Variants in RAP1A observed in about 807,000 individuals in gnomAD.
The protein encoded by RAP1A is RAP1A, member of RAS oncogene family.
RAP1A carries 6 observed loss-of-function variants against 26.4 expected under a neutral mutation model. The observed-to-expected ratio is 0.23, with a 90% CI of 0.12 to 0.45. The LOEUF (loss-of-function observed/expected upper bound fraction) is 0.45, where lower values mean the gene tolerates loss of function less well. Among genes scored for constraint, RAP1A ranks in the 20% least tolerant of loss-of-function variants. The probability of loss-of-function intolerance (pLI) is 0.99; values close to 1 mark genes in which losing one functional copy is unlikely to be tolerated. For missense variants in RAP1A, 121 were observed against 217.2 expected, an observed-to-expected ratio of 0.56 and a Z score of 2.78; for synonymous variants, 73 against 79.4, an observed-to-expected ratio of 0.92 and a Z score of 0.43.
chr1:111,669,716 A>G (rs1281751619), intron 1 of RAP1A, among the ~76,000 whole-genome samples: 3 of 152,256 alleles, frequency 2.0e-5, no homozygotes, highest in Admixed American at 2.0e-4. Flanking sequence ...AGAATTTCAG[A>G]TATGAAGAAA....
chr1:111,688,308 T>TATA, intron 1 of RAP1A, among the ~76,000 whole-genome samples: 1 of 142,610 alleles, frequency 7.0e-6, no homozygotes, highest in East Asian at 2.0e-4. Context: ...TGTATATATA[T>TATA]TTTTTTCTTT....
chr1:111,568,968 A>G (rs1657982892), intron 1 of RAP1A, among the ~76,000 whole-genome samples: 1 of 152,168 alleles, frequency 6.6e-6, no homozygotes, highest in Non-Finnish European at 1.5e-5. Context: ...AGCTTACTAT[A>G]GTATAAAAAT....
chr1:111,684,611 C>T (rs533297017), intron 1 of RAP1A, among the ~76,000 whole-genome samples: 113 of 152,158 alleles, frequency 7.4e-4, no homozygotes, highest in South Asian at 3.7e-3. Flanking sequence ...AACTACAAAC[C>T]GCTGCACAAG....
chr1:111,607,372 T>A (rs1005431709), intron 1 of RAP1A, among the ~76,000 whole-genome samples: 5 of 152,126 alleles, frequency 3.3e-5, no homozygotes, highest in Non-Finnish European at 7.4e-5. Context: ...AGAATTTTTC[T>A]TAGTACAGAA....
intron 1 of RAP1A, among the ~76,000 whole-genome samples, chr1:111,547,785 C>G (rs1372541006): frequency 2.6e-5 from 4 of 152,154 alleles, no homozygotes; most frequent in African/African-American, 4.8e-5. Context: ...GAGGAATAAG[C>G]AGGAGCATTG....
chr1:111,659,993 A>G (rs949551449), intron 1 of RAP1A, among the ~76,000 whole-genome samples: 3 of 152,234 alleles, frequency 2.0e-5, no homozygotes, highest in Admixed American at 6.5e-5. Context: ...AACAAACTGT[A>G]TATGTTTAGA....
At chr1:111,563,580 C>T (rs1176174757) in intron 1 of RAP1A, among the ~76,000 whole-genome samples, 1 of 152,108 alleles carries the variant, frequency 6.6e-6, no homozygotes, top group Admixed American at 6.5e-5. Flanking sequence ...GGTAGGTAGA[C>T]AAGAGAATTC....
At chr1:111,610,250 C>A (rs1036588663) in intron 1 of RAP1A, among the ~76,000 whole-genome samples, 4 of 151,994 alleles carry the variant, frequency 2.6e-5, no homozygotes, top group African/African-American at 9.7e-5. Flanking sequence ...CTTATTTTTC[C>A]CCTAATACAG....
At chr1:111,577,980 T>C (rs1658179071) in intron 1 of RAP1A, among the ~76,000 whole-genome samples, 1 of 152,102 alleles carries the variant, frequency 6.6e-6, no homozygotes, top group Non-Finnish European at 1.5e-5. Context: ...CCACAGTCAC[T>C]TAGAGGGAGA....
intron 1 of RAP1A, among the ~76,000 whole-genome samples, chr1:111,585,026 T>G (rs1658335347): frequency 1.3e-5 from 2 of 152,332 alleles, no homozygotes; most frequent in South Asian, 2.1e-4. Flanking sequence ...ATCAATAGAA[T>G]GTTTCTATGA....
intron 2 of RAP1A, among the ~76,000 whole-genome samples, chr1:111,693,645 TTAA>T (rs1272521779): frequency 2.0e-5 from 3 of 152,220 alleles, no homozygotes; most frequent in Non-Finnish European, 4.4e-5. Flanking sequence ...GCAAGTCTTA[TTAA>T]TGTCTGGCTT....
At chr1:111,705,873 G>T (rs978899053) in intron 6 of RAP1A, among the ~76,000 whole-genome samples, 1 of 152,168 alleles carries the variant, frequency 6.6e-6, no homozygotes, top group African/African-American at 2.4e-5. Flanking sequence ...TGCTGTCCTT[G>T]TCCTTACCTC....
chr1:111,591,211 A>C (rs1425801081), intron 1 of RAP1A, among the ~76,000 whole-genome samples: 1 of 152,166 alleles, frequency 6.6e-6, no homozygotes, highest in Non-Finnish European at 1.5e-5. Context: ...TGTTTAAAAA[A>C]TGTTACCTAT....
intron 1 of RAP1A, among the ~76,000 whole-genome samples, chr1:111,641,571 A>G (rs536278822): frequency 3.2e-4 from 48 of 152,230 alleles, no homozygotes; most frequent in African/African-American, 9.6e-4. Context: ...CGGGAAAGCA[A>G]TGGTTGAATC....
At chr1:111,657,554 C>T (rs1182436447) in intron 1 of RAP1A, among the ~76,000 whole-genome samples, 1 of 152,020 alleles carries the variant, frequency 6.6e-6, no homozygotes, top group Admixed American at 6.6e-5. Flanking sequence ...ATGTATCTTT[C>T]CTCCTATGTT....
intron 1 of RAP1A, among the ~76,000 whole-genome samples, chr1:111,543,880 A>G (rs1656939336): frequency 6.6e-6 from 1 of 152,160 alleles, no homozygotes; most frequent in Non-Finnish European, 1.5e-5. Context: ...GGGCCTTCTC[A>G]GAGAGAGAGT....
chr1:111,542,851 C>T (rs937044426), intron 1 of RAP1A, among the ~76,000 whole-genome samples: 1 of 152,052 alleles, frequency 6.6e-6, no homozygotes, highest in Non-Finnish European at 1.5e-5. Context: ...CATGAACCAC[C>T]ATGGCTGGCT....
chr1:111,597,423 T>A (rs903939107), intron 1 of RAP1A, among the ~76,000 whole-genome samples: 2 of 152,146 alleles, frequency 1.3e-5, no homozygotes, highest in South Asian at 2.1e-4. Context: ...ATAAAAAGCA[T>A]GAACATTACA....
At chr1:111,603,812 CAA>C (rs1468570505) in intron 1 of RAP1A, among the ~76,000 whole-genome samples, 1 of 151,888 alleles carries the variant, frequency 6.6e-6, no homozygotes, top group African/African-American at 2.4e-5. Flanking sequence ...TTTAACAAAA[CAA>C]AAAAAATTTG....
Sources: gnomAD v4.1 joint callset for allele counts (sites outside exome capture counted in the v4.1 genomes callset) on GRCh38, gnomAD v4.1.1 for gene constraint, MANE v1.5 for transcripts, NCBI Gene and HGNC (gene_info 2026-07-23, HGNC 2026-07-21) for gene names.